SOS1: variants seen among roughly 807,000 people sequenced by gnomAD.
SOS1 encodes SOS Ras/Rac guanine nucleotide exchange factor 1, also known as son of sevenless homolog 1.
Under a neutral mutation model 157.6 loss-of-function variants are expected in SOS1, and 25 were observed. That is an observed-to-expected ratio of 0.16 (90% CI 0.12 to 0.22). The LOEUF (loss-of-function observed/expected upper bound fraction) is 0.22, where lower values mean the gene tolerates loss of function less well. Ranked by LOEUF, SOS1 falls within the 10% of genes least tolerant of loss-of-function variation. SOS1 has a pLI of 1.00. For synonymous variants in SOS1, 528 were observed against 534.0 expected, an observed-to-expected ratio of 0.99 and a Z score of 0.16; for missense variants, 1,237 against 1,599.1, an observed-to-expected ratio of 0.77 and a Z score of 3.86.
intron 1 of SOS1, among the ~76,000 whole-genome samples, chr2:39,107,906 T>C (rs1673262338): frequency 1.3e-5 from 2 of 152,176 alleles, no homozygotes; most frequent in Admixed American, 6.6e-5. Flanking sequence ...TATACCTGCC[T>C]GTGATTATCA....
chr2:39,003,066 C>CAAAAAAA lies in SOS1; in HGVS notation c.2791+3339_2791+3345dup, dbSNP rs57338404. Among the ~76,000 whole-genome samples, 16 of 72,304 alleles carry CAAAAAAA rather than the reference C, an allele frequency of 2.2e-4. 1 individual carries two copies. Among genetic ancestry groups the CAAAAAAA allele is most frequent in the African/African-American group, 4.8e-4 (12 of 25,106 alleles). 47.4% of individuals were successfully genotyped at this position (72,304 alleles called of 152,430 possible). A position where few individuals can be genotyped will look rare whatever the true frequency, so the allele number is the denominator to read the frequency against. ...TGGGTGATAAAGTGAGACCTTGTAT[C>CAAAAAAA]AAAAAAAAAAAAGAACGTAGGGGTA... On this transcript the variant is annotated intron_variant, in intron 17 of 22. Coordinates refer to ENST00000402219, the MANE Select transcript of SOS1 (RefSeq NM_005633.4).
intron 1 of SOS1, among the ~76,000 whole-genome samples, chr2:39,074,027 C>CA (rs1671877009): frequency 6.6e-6 from 1 of 152,104 alleles, no homozygotes; most frequent in African/African-American, 2.4e-5. Context: ...AAAAACAAGG[C>CA]AAAAATCTTT....
chr2:39,108,057 A>C (rs979541548), intron 1 of SOS1, among the ~76,000 whole-genome samples: 4 of 152,096 alleles, frequency 2.6e-5, no homozygotes, highest in African/African-American at 9.7e-5. Flanking sequence ...TCCTCTCCCA[A>C]TATTCCCCCT....
chr2:38,987,249 C>T (rs778153094), intron 22 of SOS1, among the ~76,000 whole-genome samples: 8 of 152,208 alleles, frequency 5.3e-5, no homozygotes, highest in South Asian at 4.2e-4. Context: ...CTGAAAATAA[C>T]CATAGCCTTA....
intron 1 of SOS1, among the ~76,000 whole-genome samples, chr2:39,085,722 C>T (rs937303114): frequency 2.6e-5 from 4 of 152,076 alleles, no homozygotes; most frequent in Admixed American, 6.6e-5. Context: ...GACAATAAAA[C>T]GGTCAATGTC....
At chr2:39,036,117 G>T (rs896545044) in intron 6 of SOS1, among the ~76,000 whole-genome samples, 2 of 152,170 alleles carry the variant, frequency 1.3e-5, no homozygotes, top group East Asian at 1.9e-4. Context: ...TGGGGAAAAA[G>T]AGAGTAGGTA....
chr2:39,042,750 G>A (rs1395527459), intron 6 of SOS1, among the ~76,000 whole-genome samples: 1 of 144,554 alleles, frequency 6.9e-6, no homozygotes, highest in African/African-American at 2.6e-5. Flanking sequence ...AAGGTCCTGT[G>A]TATCTTTAGT....
chr2:39,076,656 A>G (rs1008445984), intron 1 of SOS1, among the ~76,000 whole-genome samples: 2 of 152,196 alleles, frequency 1.3e-5, no homozygotes. Flanking sequence ...TTGATAAAGG[A>G]TATAAACAAA....
upstream of SOS1, among the ~76,000 whole-genome samples, chr2:39,124,631 C>T (rs1674011909): frequency 6.6e-6 from 1 of 152,274 alleles, no homozygotes. Context: ...CACAGTGATC[C>T]TTCTGACGCG....
In SOS1 at chr2:39,118,970, A is replaced by C. The variant is rs573216338; in HGVS notation, c.87+1366T>G. On this transcript the variant is annotated intron_variant, in intron 1 of 22. Transcript: ENST00000402219. ...AGGAGCTGCTTTTGCCTCTAAGCAA[A>C]ATGGCCCCTATTTGGCAATGCTTTA... 2.6e-5 allele frequency among the ~76,000 whole-genome samples: 4 copies of C among 152,312 alleles called. No homozygotes were observed. The South Asian group carries it at 8.3e-4, about 32-fold the overall frequency.
chr2:39,074,790 C>A (rs987525672), intron 1 of SOS1, among the ~76,000 whole-genome samples: 18 of 151,806 alleles, frequency 1.2e-4, no homozygotes, highest in Non-Finnish European at 2.6e-4. Flanking sequence ...TTGCTTGAAC[C>A]CGGGAGGCGG....
chr2:39,120,279 C>T, intron 1 of SOS1, 57 bp downstream of exon 1: 1 of 1,487,644 alleles, frequency 6.7e-7, no homozygotes, highest in Non-Finnish European at 9.0e-7. Context: ...CCAGCCCTTC[C>T]CCAGCGCCCG....
In SOS1 at chr2:39,033,395, T is replaced by C. The variant is rs539951959; in HGVS notation, c.1074+1817A>G. ...AATGATGCACTTATTAAAATTCTATTAATGTAAGTTATAATTTTAGAAATT... is the reference window on the plus strand; with the variant it reads ...AATGATGCACTTATTAAAATTCTATCAATGTAAGTTATAATTTTAGAAATT... On this transcript the variant is annotated intron_variant, in intron 8 of 22. Transcript: ENST00000402219. 5.8e-4 allele frequency among the ~76,000 whole-genome samples: 88 copies of C among 152,274 alleles called. 1 individual carries two copies. The highest frequency in any genetic ancestry group is 2.1e-3 in the African/African-American group (86 of 41,564).
chr2:39,045,883 A>AT lies in SOS1; in HGVS notation c.864+5260dup, dbSNP rs372460237. Among the ~76,000 whole-genome samples, 1,190 of 147,264 alleles carry AT rather than the reference A, an allele frequency of 8.1e-3. 7 individuals carry two copies. Among genetic ancestry groups the AT allele is most frequent in the Middle Eastern group, 0.014 (4 of 292 alleles). ...ACCACCATGCCCAGCTAATTTTTGTATTTTTTTTTTAGTAGAGACCGGGTT... is the reference window on the plus strand; with the variant it reads ...ACCACCATGCCCAGCTAATTTTTGTATTTTTTTTTTTAGTAGAGACCGGGTT... On this transcript the variant is annotated intron_variant, in intron 6 of 22. Coordinates refer to ENST00000402219, the MANE Select transcript of SOS1 (RefSeq NM_005633.4).
chr2:39,105,798 G>T (rs1673149469), intron 1 of SOS1, among the ~76,000 whole-genome samples: 1 of 152,252 alleles, frequency 6.6e-6, no homozygotes, highest in Admixed American at 6.5e-5. Context: ...TACTGGGGAG[G>T]CTGAGGTAGG....
chr2:39,004,584 T>C (rs1300647047), intron 17 of SOS1, among the ~76,000 whole-genome samples: 3 of 151,788 alleles, frequency 2.0e-5, no homozygotes, highest in Non-Finnish European at 4.4e-5. Flanking sequence ...TTGAAAGTCA[T>C]AAAAAAAGCT....
At chr2:39,000,753 G>T (rs1022854239) in intron 17 of SOS1, among the ~76,000 whole-genome samples, 1 of 152,220 alleles carries the variant, frequency 6.6e-6, no homozygotes, top group African/African-American at 2.4e-5. Context: ...CTACGGAACT[G>T]TATCTTATCT....
intron 1 of SOS1, among the ~76,000 whole-genome samples, chr2:39,119,787 T>C (rs546904757): frequency 1.3e-4 from 20 of 152,268 alleles, no homozygotes; most frequent in African/African-American, 4.8e-4. Flanking sequence ...ATTGGTAGCA[T>C]GTGCACCAGC....
At chr2:39,050,298 C>A in intron 6 of SOS1, among the ~76,000 whole-genome samples, 1 of 152,128 alleles carries the variant, frequency 6.6e-6, no homozygotes, top group Middle Eastern at 3.2e-3. Flanking sequence ...TTTGAAATAT[C>A]TGAGGAGTTA....
Sources: allele counts gnomAD v4.1 joint callset (sites outside exome capture counted in the v4.1 genomes callset), GRCh38; gene constraint gnomAD v4.1.1; transcripts MANE v1.5; gene names NCBI Gene and HGNC (gene_info 2026-07-23, HGNC 2026-07-21).